Variants in ANKRD26 observed in about 807,000 individuals in gnomAD.
The protein encoded by ANKRD26 is ankyrin repeat domain 26.
ANKRD26 carries 141 observed loss-of-function variants against 208.7 expected under a neutral mutation model. The ratio of observed to expected loss-of-function variants is 0.68; its 90% CI spans 0.59 to 0.78. ANKRD26 has a LOEUF of 0.78. Among genes scored for constraint, ANKRD26 ranks in the 30% least tolerant of loss-of-function variants. The pLI is 0.00. For synonymous variants in ANKRD26, 636 were observed against 660.4 expected, an observed-to-expected ratio of 0.96 and a Z score of 0.57; for missense variants, 1,889 against 1,938.7, an observed-to-expected ratio of 0.97 and a Z score of 0.48.
the ANKRD26 span, among the ~76,000 whole-genome samples, chr10:26,966,269 G>A: frequency 6.6e-6 from 1 of 152,088 alleles, no homozygotes; most frequent in African/African-American, 2.4e-5. Context: ...AAGAAAATGT[G>A]GTACATATAC....
At chr10:27,027,436 C>A (rs2053698509) in intron 27 of ANKRD26, among the ~76,000 whole-genome samples, 1 of 152,172 alleles carries the variant, frequency 6.6e-6, no homozygotes, top group Non-Finnish European at 1.5e-5. Context: ...CAAATATTAG[C>A]AGAGACTCAG....
intron 17 of ANKRD26, among the ~76,000 whole-genome samples, chr10:27,047,980 G>A (rs1247444997): frequency 3.3e-5 from 5 of 151,988 alleles, no homozygotes; most frequent in Non-Finnish European, 7.4e-5. Flanking sequence ...GACCTCAAGT[G>A]ATCCACTTGC....
intron 4 of ANKRD26, among the ~76,000 whole-genome samples, chr10:26,982,619 G>C (rs1390980479): frequency 6.6e-6 from 1 of 151,668 alleles, no homozygotes; most frequent in East Asian, 1.9e-4. Flanking sequence ...ACAGGAGAAG[G>C]AAAGAAGAAA....
chr10:27,023,865 T>C (rs141272117), intron 28 of ANKRD26, among the ~76,000 whole-genome samples: 2 of 152,236 alleles, frequency 1.3e-5, no homozygotes, highest in East Asian at 3.9e-4. Flanking sequence ...CTTTTGTATA[T>C]GTATGAGGCA....
intron 25 of ANKRD26, chr10:27,030,369 T>C (rs2053824996): frequency 1.0e-6 from 1 of 984,038 alleles, no homozygotes. Flanking sequence ...CAGCACCTCC[T>C]GGAATAAGTA....
At chr10:26,952,866 A>G in the ANKRD26 span, among the ~76,000 whole-genome samples, 9 of 152,190 alleles carry the variant, frequency 5.9e-5, no homozygotes, top group African/African-American at 2.2e-4. Context: ...ACTGCTAAAG[A>G]ACAGACTTCT....
At chr10:26,954,932 C>G in the ANKRD26 span, among the ~76,000 whole-genome samples, 75 of 149,236 alleles carry the variant, frequency 5.0e-4, no homozygotes, top group African/African-American at 1.9e-3. Flanking sequence ...AATGCGGGAT[C>G]TATAGCAGTT....
chr10:26,989,217 A>G (rs1458590070), downstream of ANKRD26, among the ~76,000 whole-genome samples: 4 of 152,168 alleles, frequency 2.6e-5, no homozygotes, highest in Non-Finnish European at 5.9e-5. Context: ...TTTAGGGTTA[A>G]TATGAATTTT....
chr10:27,012,775 G>T, intron 32 of ANKRD26, 107 bp downstream of exon 32: 1 of 1,091,154 alleles, frequency 9.2e-7, no homozygotes, highest in Non-Finnish European at 1.4e-6. Context: ...TGGCACCACT[G>T]CACTCCAGCC....
Position 27,013,045 on chromosome 10 carries a change from A to G in ANKRD26, c.4790T>C (p.Leu1597Ser). ...TGGCCTGGTAGTGAGAGTGGTGAACAAAGATCTGCTCTGCTGTTTTTCCAC... is the reference window on the plus strand; with the variant it reads ...TGGCCTGGTAGTGAGAGTGGTGAACGAAGATCTGCTCTGCTGTTTTTCCAC... ...LLVEKQQSRS[L>S]FTTLTTRPVM... The change falls in exon 32 of 34, where the codon TTG becomes TCG. Residue 1597 changes from leucine (L) to serine (S), a missense_variant. Physicochemically the swap from Leu to Ser is moderately radical, Grantham distance 145 (BLOSUM62 -2). This residue lies in a region of ANKRD26 where 613 missense variants were observed against 648.2 expected (regional missense o/e 0.95). Transcript: ENST00000376087. The G allele has an allele frequency of 6.2e-7, 1 of 1,614,054 alleles. No homozygotes were observed. Among genetic ancestry groups the G allele is most frequent in the Non-Finnish European group, 8.5e-7 (1 of 1,179,966 alleles).
intron 5 of ANKRD26, among the ~76,000 whole-genome samples, chr10:26,978,684 T>C (rs953028379): frequency 2.6e-5 from 4 of 152,122 alleles, no homozygotes; most frequent in African/African-American, 9.7e-5. Context: ...CACGCCCTGA[T>C]GGAAATGTAA....
At position 27,005,636 on chromosome 10, in the gene ANKRD26, G is replaced by A; in HGVS notation, c.5087C>T (p.Ala1696Val). Residue 1696 changes from alanine (A) to valine (V), a missense_variant, in exon 34 of 34, where the codon GCA (alanine) becomes GTA (valine). Physicochemically the swap from Ala to Val is moderately conservative, Grantham distance 64. Transcript: ENST00000376087. ...TAAAACCTGTACATATTCTCTTGAT[G>A]CTTTCCAAACTAGATCTTGATTTAG... ...SNLNQDLVWK[A>V]SREYVQVLKK... is the part of the protein sequence containing the mutation. 6.2e-7 allele frequency: 1 copy of A among 1,612,892 alleles called. No individual in the cohort carries two copies. Among genetic ancestry groups the A allele is most frequent in the Non-Finnish European group, 8.5e-7 (1 of 1,179,392 alleles).
rs773945543 is a variant in ANKRD26, at chr10:27,040,190, A to G, written c.2162-12T>C. ...TAGGCTAACAGAATCTGTATCAGGA[A>G]GAAAACAAGATAGAAATATATGAGC... On this transcript the variant is annotated splice_polypyrimidine_tract_variant and intron_variant, in intron 20 of 33. Transcript: ENST00000376087. The G allele has an allele frequency of 1.2e-5, 19 of 1,581,260 alleles. No homozygotes were observed. The highest frequency in any genetic ancestry group is 1.6e-5 in the Non-Finnish European group (18 of 1,152,480).
chr10:26,951,287 G>GAGT, the ANKRD26 span, among the ~76,000 whole-genome samples: 2 of 152,024 alleles, frequency 1.3e-5, no homozygotes, highest in South Asian at 4.2e-4. Context: ...TTTGTACTTT[G>GAGT]TGTAATCACT....
At chr10:27,038,711 TTAAAC>T (rs2054127397) in intron 21 of ANKRD26, among the ~76,000 whole-genome samples, 1 of 152,144 alleles carries the variant, frequency 6.6e-6, no homozygotes, top group Non-Finnish European at 1.5e-5. Context: ...GGAAAGATCA[TTAAAC>T]TAACTAAAAA....
At chr10:26,967,531 A>G in the ANKRD26 span, among the ~76,000 whole-genome samples, 4 of 98,498 alleles carry the variant, frequency 4.1e-5, no homozygotes, top group African/African-American at 1.3e-4. Context: ...ATGACACTCA[A>G]TTATCTCTCT....
At chr10:27,084,346 A>G (rs1032246336) in intron 5 of ANKRD26, among the ~76,000 whole-genome samples, 3 of 152,234 alleles carry the variant, frequency 2.0e-5, no homozygotes, top group African/African-American at 7.2e-5. Flanking sequence ...CAATTAAAAT[A>G]CTTTCATTGA....
chr10:27,077,746 G>C (rs1189109139), intron 7 of ANKRD26, 53 bp from the exon 8 acceptor site: 4 of 1,468,592 alleles, frequency 2.7e-6, no homozygotes, highest in Non-Finnish European at 3.8e-6. Context: ...TATCAAATTT[G>C]ATAAAATAAT....
chr10:26,981,167 T>C (rs1044362023), intron 4 of ANKRD26, among the ~76,000 whole-genome samples: 2 of 152,344 alleles, frequency 1.3e-5, no homozygotes, highest in Middle Eastern at 6.8e-3. Flanking sequence ...GTATTGACTA[T>C]CTGGGGCTGA....
Sources: allele counts gnomAD v4.1 joint callset (sites outside exome capture counted in the v4.1 genomes callset), GRCh38; gene constraint gnomAD v4.1.1; regional missense constraint gnomAD v4.1.1; transcripts MANE v1.5; gene names NCBI Gene and HGNC (gene_info 2026-07-23, HGNC 2026-07-21).